Variants in CREM observed in about 807,000 individuals in gnomAD.
CREM encodes cAMP-responsive element modulator.
CREM carries 13 observed loss-of-function variants against 37.3 expected under a neutral mutation model. The ratio of observed to expected loss-of-function variants is 0.35; its 90% CI spans 0.23 to 0.55. CREM has a LOEUF of 0.55. Among genes scored for constraint, CREM ranks in the 20% least tolerant of loss-of-function variants. The pLI, the probability that CREM is intolerant of heterozygous loss-of-function variation, is 0.88. For synonymous variants in CREM, 124 were observed against 120.2 expected (o/e 1.03, Z -0.21); for missense variants, 296 against 362.3 (o/e 0.82, Z 1.49).
At chr10:35,138,883 G>T (rs1036480239) in intron 2 of CREM, among the ~76,000 whole-genome samples, 1 of 151,520 alleles carries the variant, frequency 6.6e-6, no homozygotes, top group Non-Finnish European at 1.5e-5. Flanking sequence ...AACATAGCAA[G>T]ATCCTGTCTC....
At chr10:35,151,934 C>T (rs572735426) in intron 3 of CREM, among the ~76,000 whole-genome samples, 2 of 152,248 alleles carry the variant, frequency 1.3e-5, no homozygotes, top group East Asian at 3.9e-4. Flanking sequence ...TACTATCATA[C>T]AATAGTATAT....
intron 3 of CREM, among the ~76,000 whole-genome samples, chr10:35,149,666 C>T (rs1220233006): frequency 6.6e-6 from 1 of 151,876 alleles, no homozygotes; most frequent in East Asian, 1.9e-4. Context: ...ACTGGAAGGC[C>T]CAGGGGAAAC....
At chr10:35,186,772 T>A (rs1313356371) in intron 5 of CREM, among the ~76,000 whole-genome samples, 1 of 129,618 alleles carries the variant, frequency 7.7e-6, no homozygotes, top group Non-Finnish European at 1.6e-5. Context: ...ATATAATATA[T>A]AACAAATTAT....
At chr10:35,167,496 G>A in intron 3 of CREM, 2 of 512,778 alleles carry the variant, frequency 3.9e-6, no homozygotes, top group Admixed American at 7.0e-5. Context: ...TGTGACATGT[G>A]CAGCTATACT....
chr10:35,212,466 G>A lies in CREM; in HGVS notation c.*1068G>A, dbSNP rs1192817782. 1 of 152,750 alleles carries A rather than the reference G, an allele frequency of 6.5e-6. No individual in the cohort carries two copies. The highest frequency in any genetic ancestry group is 2.4e-5 in the African/African-American group (1 of 41,446). 9.5% of individuals were successfully genotyped at this position (152,750 alleles called of 1,614,324 possible). On this transcript the variant is annotated 3_prime_UTR_variant, in exon 8 of 8. Transcript: ENST00000685392. ...GTGTAATATAAAAGATCTTGCAGAA[G>A]TTCTTAGTGTTGGTTTAATATTACC...
At chr10:35,130,196 C>CAAAA (rs754455183) in intron 1 of CREM, among the ~76,000 whole-genome samples, 3 of 67,202 alleles carry the variant, frequency 4.5e-5, no homozygotes, top group African/African-American at 1.7e-4. Flanking sequence ...AACTCAGTCT[C>CAAAA]AAAAAAAAAA....
chr10:35,186,976 T>A (rs1372430195), intron 5 of CREM, among the ~76,000 whole-genome samples: 9 of 91,750 alleles, frequency 9.8e-5, no homozygotes, highest in Non-Finnish European at 1.3e-4. Context: ...ATTTATATAT[T>A]ATATGTGATA....
chr10:35,180,289 G>T (rs1270098497), intron 5 of CREM, among the ~76,000 whole-genome samples: 1 of 152,072 alleles, frequency 6.6e-6, no homozygotes, highest in Non-Finnish European at 1.5e-5. Flanking sequence ...AAGGTATTAA[G>T]ATTTTAGATA....
At position 35,206,031 on chromosome 10, in the gene CREM, G is replaced by A. The variant is rs185275991; in HGVS notation, c.599-864G>A. 2.1e-3 allele frequency among the ~76,000 whole-genome samples: 316 copies of A among 151,678 alleles called. 1 individual carries two copies. Among genetic ancestry groups the A allele is most frequent in the Non-Finnish European group, 3.1e-3 (212 of 67,894 alleles). ...TGGGAGGCCAAGGTGGGAGGATCAC[G>A]AGGTCAGGAGATTGAGACCATCCTG... is the stretch of plus-strand genomic sequence containing the variant. On this transcript the variant is annotated intron_variant, in intron 6 of 7. Transcript: ENST00000685392.
rs955919151 is a variant in CREM, at chr10:35,167,889, C to A, written c.169-11000C>A. ...AAATTGTGAAATATAAAATAACATC[C>A]ATTTTATGTTTTAGTTTTTTGTTCT... On this transcript the variant is annotated intron_variant, in intron 3 of 7. Transcript: ENST00000685392. 4 of 1,214,582 alleles carry A rather than the reference C, an allele frequency of 3.3e-6. No individual in the cohort carries two copies. In the South Asian group the frequency reaches 3.9e-5, roughly 12 times the overall value. The allele number at this position is 1,214,582 out of a possible 1,614,324, so 75.2% of individuals were successfully genotyped here.
chr10:35,127,289 C>A (rs1218561697), intron 1 of CREM, 96 bp downstream of exon 1: 1 of 153,380 alleles, frequency 6.5e-6, no homozygotes, highest in Non-Finnish European at 1.5e-5. Flanking sequence ...GAGCCGGGTG[C>A]GGTGGAGCAG....
chr10:35,196,193 T>G, intron 6 of CREM: 2 of 1,268,884 alleles, frequency 1.6e-6, no homozygotes, highest in Non-Finnish European at 2.3e-6. Context: ...TTACTCTTAC[T>G]CCATCCTCTT....
At chr10:35,205,425 T>A (rs774567833) in intron 6 of CREM, among the ~76,000 whole-genome samples, 2 of 152,190 alleles carry the variant, frequency 1.3e-5, no homozygotes, top group Non-Finnish European at 2.9e-5. Flanking sequence ...TGCTGGGTTT[T>A]TATTGTTGTT....
At chr10:35,141,016 C>A (rs1056530358) in intron 2 of CREM, among the ~76,000 whole-genome samples, 4 of 152,158 alleles carry the variant, frequency 2.6e-5, no homozygotes, top group Non-Finnish European at 5.9e-5. Context: ...TGGAAAAAGA[C>A]CTTGGTTGAA....
At chr10:35,141,235 C>G (rs974703010) in intron 2 of CREM, among the ~76,000 whole-genome samples, 1 of 152,168 alleles carries the variant, frequency 6.6e-6, no homozygotes, top group African/African-American at 2.4e-5. Context: ...GGTAAACTCT[C>G]AATAAATGAT....
chr10:35,181,894 A>AT (rs1216127506), intron 5 of CREM, among the ~76,000 whole-genome samples: 1 of 152,160 alleles, frequency 6.6e-6, no homozygotes, highest in East Asian at 1.9e-4. Flanking sequence ...AACAAAAAAA[A>AT]CACATCTGTC....
chr10:35,129,919 G>A (rs1029231863), intron 1 of CREM, among the ~76,000 whole-genome samples: 3 of 152,116 alleles, frequency 2.0e-5, no homozygotes, highest in African/African-American at 7.2e-5. Context: ...AGTTTAGGCC[G>A]GGCATGGTGG....
chr10:35,199,712 C>A (rs537965766), intron 6 of CREM, among the ~76,000 whole-genome samples: 1 of 152,012 alleles, frequency 6.6e-6, no homozygotes, highest in Non-Finnish European at 1.5e-5. Context: ...AGTAGTGGAC[C>A]CGTTCGAGTC....
intron 3 of CREM, among the ~76,000 whole-genome samples, chr10:35,160,420 A>T (rs544706940): frequency 5.9e-5 from 9 of 152,002 alleles, no homozygotes; most frequent in East Asian, 1.9e-4. Context: ...TTTTTTTTTA[A>T]TAGAATTTTG....
Sources: allele counts gnomAD v4.1 joint callset (sites outside exome capture counted in the v4.1 genomes callset), GRCh38; gene constraint gnomAD v4.1.1; transcripts MANE v1.5; gene names NCBI Gene and HGNC (gene_info 2026-07-23, HGNC 2026-07-21).